Variants in PDIA3 observed in about 807,000 individuals in gnomAD.
PDIA3 encodes the protein protein disulfide isomerase family A member 3, also known as protein disulfide-isomerase A3.
A neutral mutation model predicts 56.9 loss-of-function variants in PDIA3; 16 were observed. The observed-to-expected ratio is 0.28, with a 90% CI of 0.19 to 0.43. The LOEUF (loss-of-function observed/expected upper bound fraction) is 0.43, where lower values mean the gene tolerates loss of function less well. Ranked by LOEUF, PDIA3 falls within the 20% of genes least tolerant of loss-of-function variation. The pLI is 1.00. For synonymous variants in PDIA3, 192 were observed against 216.5 expected, an observed-to-expected ratio of 0.89 and a Z score of 0.99; for missense variants, 485 against 621.3, an observed-to-expected ratio of 0.78 and a Z score of 2.33.
Position 43,769,614 on chromosome 15 carries a change from C to G in PDIA3, c.1234C>G (p.Leu412Val). 1.2e-6 allele frequency: 2 copies of G among 1,613,874 alleles called. No individual in the cohort carries two copies. The highest frequency in any genetic ancestry group is 1.7e-6 in the Non-Finnish European group (2 of 1,179,804). ...CCCTTGGTGTGGTCACTGTAAGAAC[C>G]TGGAGCCCAAGTATAAAGAACTTGG... ...YAPWCGHCKN[L>V]EPKYKELGEK... is the part of the protein sequence containing the mutation. The change falls in exon 10 of 13, where the codon CTG (leucine) becomes GTG (valine). Residue 412 changes from leucine (L) to valine (V), a missense_variant. Leu to Val is a conservative substitution (Grantham distance 32, BLOSUM62 1). Transcript: ENST00000300289.
At chr15:43,756,360 A>T (rs945438961) in intron 2 of PDIA3, among the ~76,000 whole-genome samples, 1 of 152,216 alleles carries the variant, frequency 6.6e-6, no homozygotes, top group African/African-American at 2.4e-5. Context: ...AGGCAGAAAA[A>T]AGATGAAGAC....
chr15:43,748,333 C>T (rs2086720584), intron 1 of PDIA3, among the ~76,000 whole-genome samples: 1 of 152,054 alleles, frequency 6.6e-6, no homozygotes, highest in Non-Finnish European at 1.5e-5. Context: ...ACGAAATTAG[C>T]CGGGCATAGT....
rs753285798 is a variant in PDIA3 at position 43,765,991 on chromosome 15, G to C, written c.824G>C (p.Gly275Ala). The C allele has an allele frequency of 3.7e-6, 6 of 1,613,324 alleles. No individual in the cohort carries two copies. The highest frequency in any genetic ancestry group is 1.3e-5 in the African/African-American group (1 of 74,864). ...YDVDYEKNAK[G>A]SNYWRNRVMM... The stretch of plus-strand genomic sequence containing the variant: ...GTGGACTATGAAAAGAACGCTAAAG[G>C]TTCCAACTACTGGAGAAACAGGTAA... Residue 275 changes from glycine (G) to alanine (A), a missense_variant, in exon 7 of 13, where the codon GGT becomes GCT. Coordinates refer to ENST00000300289, the MANE Select transcript of PDIA3 (RefSeq NM_005313.5).
rs1485837605 is a variant in PDIA3, at chr15:43,746,461, G to C, written c.-79G>C. The C allele has an allele frequency of 1.3e-5, 17 of 1,345,768 alleles. No individual in the cohort carries two copies. The highest frequency in any genetic ancestry group is 1.7e-5 in the Non-Finnish European group (17 of 1,021,522). 83.4% of individuals were successfully genotyped at this position (1,345,768 alleles called of 1,614,324 possible). A position where few individuals can be genotyped will look rare whatever the true frequency, so the allele number is the denominator to read the frequency against. ...CCAGACGCGCGAGCGCAAGCAGCGG[G>C]TTAGTGGTCGCGCGCCCGACCTCCG... On this transcript the variant is annotated 5_prime_UTR_variant, in exon 1 of 13. Coordinates refer to ENST00000300289, the MANE Select transcript of PDIA3 (RefSeq NM_005313.5).
chr15:43,768,876 C>T (rs1406011206), intron 9 of PDIA3, among the ~76,000 whole-genome samples: 6 of 151,930 alleles, frequency 3.9e-5, no homozygotes, highest in Non-Finnish European at 7.4e-5. Context: ...ACAAAAAAAT[C>T]AGCCGGGCAT....
At chr15:43,766,992 C>G in intron 8 of PDIA3, 82 bp downstream of exon 8, 3 of 1,232,762 alleles carry the variant, frequency 2.4e-6, no homozygotes, top group Non-Finnish European at 3.6e-6. Context: ...AGAACAATAA[C>G]CCTGGAATGT....
At chr15:43,751,157 G>A (rs966513828) in intron 1 of PDIA3, among the ~76,000 whole-genome samples, 3 of 148,854 alleles carry the variant, frequency 2.0e-5, no homozygotes, top group South Asian at 4.2e-4. Flanking sequence ...AATAATATAT[G>A]TGCTAATTTC....
In PDIA3 at chr15:43,765,548, A is replaced by G. The variant is rs763044325; in HGVS notation, c.701A>G (p.Lys234Arg). 9.4e-6 allele frequency: 15 copies of G among 1,593,062 alleles called. No homozygotes were observed. In the Admixed American group the frequency reaches 2.5e-4, roughly 27 times the overall value. ...AAAATGACCAGTGGCAAAATTAAAA[A>G]GTTTATCCAGGAAAACATGTGAGTA... ...EQKMTSGKIK[K>R]FIQENIFGIC... The change falls in exon 6 of 13, where the codon AAG becomes AGG. Residue 234 changes from lysine to arginine, a missense_variant. Physicochemically the swap from Lys to Arg is conservative, Grantham distance 26. Coordinates refer to ENST00000300289, the MANE Select transcript of PDIA3 (RefSeq NM_005313.5).
intron 1 of PDIA3, chr15:43,746,993 C>T: frequency 3.9e-6 from 2 of 517,632 alleles, no homozygotes; most frequent in Non-Finnish European, 7.0e-6. Flanking sequence ...CCACCCCTTC[C>T]CCCAGTCCAA....
At position 43,772,624 on chromosome 15, in the gene PDIA3, A is replaced by T. The variant is rs548009479; in HGVS notation, c.*1406A>T. On this transcript the variant is annotated 3_prime_UTR_variant, in exon 13 of 13. Transcript: ENST00000300289. Reference sequence around the variant, plus strand: ...AAAGGACACAGAAGCAGTCAGTTTTAATTTTTTAGCCATGTTGGTAAAAGT... The same window carrying T: ...AAAGGACACAGAAGCAGTCAGTTTTTATTTTTTAGCCATGTTGGTAAAAGT... The T allele has an allele frequency of 4.6e-5, 7 of 152,420 alleles. No homozygotes were observed. Among genetic ancestry groups the T allele is most frequent in the African/African-American group, 1.7e-4 (7 of 41,598 alleles). 9.4% of individuals were successfully genotyped at this position (152,420 alleles called of 1,614,324 possible).
Position 43,768,497 on chromosome 15 carries a change from G to T in PDIA3, c.1037G>T (p.Gly346Val), listed in dbSNP as rs2086862057. The T allele has an allele frequency of 6.2e-7, 1 of 1,611,896 alleles. No individual in the cohort carries two copies. The change falls in exon 9 of 13, where the codon GGG becomes GTG. Residue 346 changes from glycine (G) to valine (V), a missense_variant. Coordinates refer to ENST00000300289, the MANE Select transcript of PDIA3 (RefSeq NM_005313.5). The part of the protein sequence containing the change: ...FVMQEEFSRD[G>V]KALERFLQDY... The stretch of plus-strand genomic sequence containing the variant: ...TTGTTTTCCAATTGTAGGCGTGATG[G>T]GAAGGCTCTGGAGAGGTTCCTGCAG...
chr15:43,748,996 C>G (rs1045367921), intron 1 of PDIA3, among the ~76,000 whole-genome samples: 1 of 152,050 alleles, frequency 6.6e-6, no homozygotes, highest in Non-Finnish European at 1.5e-5. Flanking sequence ...GTCTCGAACT[C>G]CTGACTTCAG....
intron 10 of PDIA3, 138 bp downstream of exon 10, chr15:43,769,784 C>A: frequency 1.1e-6 from 1 of 888,168 alleles, no homozygotes; most frequent in Non-Finnish European, 1.7e-6. Context: ...TACTCACTTT[C>A]TCGTGACTGC....
rs771309263 is a variant in PDIA3 at position 43,746,577 on chromosome 15, C to T, written c.38C>T (p.Ala13Val). Reference sequence around the variant, plus strand: ...CGCCTAGCGCTGTTCCCGGGTGTGGCGCTGCTTCTTGCCGCGGCCCGCCTC... The same window carrying T: ...CGCCTAGCGCTGTTCCCGGGTGTGGTGCTGCTTCTTGCCGCGGCCCGCCTC... ...LRRLALFPGV[A>V]LLLAAARLAA... Residue 13 changes from alanine to valine, a missense_variant, in exon 1 of 13, where the codon GCG (alanine) becomes GTG (valine). Ala to Val is a moderately conservative substitution (Grantham distance 64). Coordinates refer to ENST00000300289, the MANE Select transcript of PDIA3 (RefSeq NM_005313.5). 1.9e-6 allele frequency: 3 copies of T among 1,611,874 alleles called. No individual in the cohort carries two copies. The highest frequency in any genetic ancestry group is 2.2e-5 in the East Asian group (1 of 44,864).
chr15:43,764,445 AAGATTC>A (rs546790376), intron 5 of PDIA3, among the ~76,000 whole-genome samples: 29 of 152,284 alleles, frequency 1.9e-4, no homozygotes, highest in Admixed American at 7.2e-4. Context: ...GAGTGAAAAG[AAGATTC>A]AGAGCAAGTT....
At chr15:43,762,985 G>A (rs2086826175) in intron 4 of PDIA3, 92 bp from the exon 5 acceptor site, 1 of 1,272,966 alleles carries the variant, frequency 7.9e-7, no homozygotes, top group Non-Finnish European at 1.1e-6. Context: ...AGAATGAAAT[G>A]TTTATGGTTT....
At chr15:43,751,994 C>G (rs766036322) in intron 1 of PDIA3, among the ~76,000 whole-genome samples, 1 of 152,166 alleles carries the variant, frequency 6.6e-6, no homozygotes, top group African/African-American at 2.4e-5. Flanking sequence ...GCTGCCATTC[C>G]GGTCCAAGCT....
chr15:43,748,091 G>GTAAA (rs1419852350), intron 1 of PDIA3, among the ~76,000 whole-genome samples: 1 of 152,172 alleles, frequency 6.6e-6, no homozygotes, highest in Admixed American at 6.5e-5. Context: ...AAGTTTGTCA[G>GTAAA]ATCTGAGTGA....
In PDIA3 at chr15:43,771,398, A is replaced by G; in HGVS notation, c.*180A>G. ...TTTCTTAGCTGCACTGTTTATGGAA[A>G]TACCAGGACCAGTTTATGTTTGTGG... is the stretch of plus-strand genomic sequence containing the variant. On this transcript the variant is annotated 3_prime_UTR_variant, in exon 13 of 13. Coordinates refer to ENST00000300289, the MANE Select transcript of PDIA3 (RefSeq NM_005313.5). 4.6e-6 allele frequency: 2 copies of G among 435,886 alleles called. No homozygotes were observed. Among genetic ancestry groups the G allele is most frequent in the Admixed American group, 4.1e-5 (1 of 24,596 alleles). The allele number at this position is 435,886 out of a possible 1,614,324, so 27.0% of individuals were successfully genotyped here.
Sources: gnomAD v4.1 joint callset for allele counts (sites outside exome capture counted in the v4.1 genomes callset) on GRCh38, gnomAD v4.1.1 for gene constraint, MANE v1.5 for transcripts, NCBI Gene and HGNC (gene_info 2026-07-23, HGNC 2026-07-21) for gene names.